The following MTX2 variants were observed in gnomAD, a reference collection of about 807,000 sequenced individuals.
MTX2 encodes metaxin 2, also known as metaxin-2.
Under a neutral mutation model 42.3 loss-of-function variants are expected in MTX2, and 35 were observed. The observed-to-expected ratio is 0.83, with a 90% confidence interval of 0.63 to 1.10. The LOEUF is 1.10. MTX2 is among the 50% of genes least tolerant of loss of function. The pLI, the probability that MTX2 is intolerant of heterozygous loss-of-function variation, is 0.00. For synonymous variants in MTX2, 119 were observed against 100.9 expected (o/e 1.18, Z -1.08); for missense variants, 307 against 304.1 (o/e 1.01, Z -0.07).
intron 4 of MTX2, among the ~76,000 whole-genome samples, chr2:176,323,769 A>G (rs536987921): frequency 2.6e-5 from 4 of 151,856 alleles, no homozygotes; most frequent in South Asian, 2.1e-4. Context: ...CTTAATGTAC[A>G]TAAGACTTTC....
chr2:176,278,483 TTTA>T (rs1310955837), intron 1 of MTX2, among the ~76,000 whole-genome samples: 6 of 152,298 alleles, frequency 3.9e-5, no homozygotes, highest in Admixed American at 3.9e-4. Context: ...CTTAATGTGG[TTTA>T]TTAACATTTT....
intron 9 of MTX2, among the ~76,000 whole-genome samples, chr2:176,332,048 C>G (rs1439269079): frequency 6.6e-6 from 1 of 151,128 alleles, no homozygotes; most frequent in Non-Finnish European, 1.5e-5. Flanking sequence ...TACATTTACA[C>G]TTGTGATGAA....
chr2:176,334,421 T>C (rs984661367), intron 9 of MTX2, among the ~76,000 whole-genome samples: 1 of 151,880 alleles, frequency 6.6e-6, no homozygotes, highest in African/African-American at 2.4e-5. Context: ...TTGGTGTTTG[T>C]ATTATTCTCA....
intron 8 of MTX2, among the ~76,000 whole-genome samples, chr2:176,329,769 T>G (rs564067242): frequency 5.7e-4 from 77 of 134,082 alleles, no homozygotes; most frequent in African/African-American, 1.8e-3. Flanking sequence ...AACCTGAGGG[T>G]TTTTTTTTTT....
In MTX2 at chr2:176,269,679, C is replaced by T. The variant is rs1406074707; in HGVS notation, c.40+10C>T. 4 of 1,592,318 alleles carry T rather than the reference C, an allele frequency of 2.5e-6. No homozygotes were observed. Among genetic ancestry groups the T allele is most frequent in the Non-Finnish European group, 2.6e-6 (3 of 1,172,606 alleles). On this transcript the variant is annotated intron_variant, in intron 1 of 9. Coordinates refer to ENST00000249442, the MANE Select transcript of MTX2 (RefSeq NM_006554.5). ...GTCTCCCAGATTGCAGGTAGCGCGGCTGGCCGCAGACCCAGAAGGTGGCGG... is the reference window on the plus strand; with the variant it reads ...GTCTCCCAGATTGCAGGTAGCGCGGTTGGCCGCAGACCCAGAAGGTGGCGG...
chr2:176,312,380 C>G (rs1684336481), intron 3 of MTX2, among the ~76,000 whole-genome samples: 1 of 152,028 alleles, frequency 6.6e-6, no homozygotes, highest in Admixed American at 6.6e-5. Flanking sequence ...ACTAACGAAC[C>G]ATATATTCTT....
At chr2:176,332,008 A>G (rs1311077793) in intron 9 of MTX2, among the ~76,000 whole-genome samples, 1 of 151,292 alleles carries the variant, frequency 6.6e-6, no homozygotes, top group Non-Finnish European at 1.5e-5. Context: ...GGAAATATCA[A>G]GATATCATTT....
At chr2:176,332,319 C>T (rs768682576) in intron 9 of MTX2, among the ~76,000 whole-genome samples, 49 of 151,340 alleles carry the variant, frequency 3.2e-4, no homozygotes, top group Non-Finnish European at 5.2e-4. Flanking sequence ...TTTTCTCATT[C>T]CTTTATCTGT....
chr2:176,322,367 A>G (rs1471316314), intron 3 of MTX2, among the ~76,000 whole-genome samples: 1 of 151,940 alleles, frequency 6.6e-6, no homozygotes, highest in African/African-American at 2.4e-5. Context: ...TTATTAATTT[A>G]TCTTATCTTA....
chr2:176,271,392 T>A lies in MTX2; in HGVS notation c.40+1723T>A, dbSNP rs181667836. Among the ~76,000 whole-genome samples, 464 of 152,292 alleles carry A rather than the reference T, an allele frequency of 3.0e-3. 5 individuals carry two copies. Among genetic ancestry groups the A allele is most frequent in the African/African-American group, 0.01 (421 of 41,564 alleles). On this transcript the variant is annotated intron_variant, in intron 1 of 9. Coordinates refer to ENST00000249442, the MANE Select transcript of MTX2 (RefSeq NM_006554.5). ...ATTCATAATCCATAAGAGAAGAAAT[T>A]GGCAGATTTGATTGCCGAAAAAATT...
intron 3 of MTX2, among the ~76,000 whole-genome samples, 177 bp from the exon 4 acceptor site, chr2:176,323,215 G>A (rs989665083): frequency 5.9e-5 from 9 of 151,778 alleles, no homozygotes; most frequent in African/African-American, 2.2e-4. Flanking sequence ...TGATTTTTAA[G>A]TAGTGACATG....
At chr2:176,331,463 G>A (rs1449914068) in intron 9 of MTX2, among the ~76,000 whole-genome samples, 3 of 150,880 alleles carry the variant, frequency 2.0e-5, no homozygotes, top group Non-Finnish European at 4.5e-5. Flanking sequence ...TTGCTATTAT[G>A]TGTTATATCG....
At chr2:176,336,543 T>C (rs1391857207) in intron 9 of MTX2, among the ~76,000 whole-genome samples, 1 of 152,164 alleles carries the variant, frequency 6.6e-6, no homozygotes, top group Non-Finnish European at 1.5e-5. Flanking sequence ...AACTTTATAA[T>C]TTATGTTTCA....
At chr2:176,327,835 G>A (rs1419293276) in intron 5 of MTX2, among the ~76,000 whole-genome samples, 2 of 150,854 alleles carry the variant, frequency 1.3e-5, no homozygotes, top group Non-Finnish European at 3.0e-5. Flanking sequence ...TTGAACTAAA[G>A]GTTATATCAT....
intron 1 of MTX2, among the ~76,000 whole-genome samples, chr2:176,272,006 T>A (rs1479719818): frequency 6.6e-6 from 1 of 152,124 alleles, no homozygotes; most frequent in Middle Eastern, 3.2e-3. Flanking sequence ...CAGGTGTTTA[T>A]CAGTGGATGA....
intron 1 of MTX2, among the ~76,000 whole-genome samples, chr2:176,274,757 A>G (rs1692906841): frequency 6.6e-6 from 1 of 152,138 alleles, no homozygotes; most frequent in Non-Finnish European, 1.5e-5. Context: ...AGGGCTTTCA[A>G]CTGATAAAAT....
chr2:176,305,907 A>G (rs1011540979), intron 3 of MTX2, among the ~76,000 whole-genome samples: 1 of 151,960 alleles, frequency 6.6e-6, no homozygotes, highest in Non-Finnish European at 1.5e-5. Flanking sequence ...TGATTTCTAC[A>G]TAGATCATTA....
intron 1 of MTX2, among the ~76,000 whole-genome samples, chr2:176,282,518 A>G (rs1208497464): frequency 6.6e-6 from 1 of 152,004 alleles, no homozygotes; most frequent in Non-Finnish European, 1.5e-5. Context: ...TTTGGATCCA[A>G]TTCAGATTTC....
Position 176,293,585 on chromosome 2 carries a change from C to T in MTX2, c.41-3275C>T, listed in dbSNP as rs190885953. ...TTGTTTAAAAGAGAGCGGCATCTCC[C>T]CCCCTTCTCTTGCTCCTGCTCTTGC... On this transcript the variant is annotated intron_variant, in intron 1 of 9. Transcript: ENST00000249442. Among the ~76,000 whole-genome samples the T allele has an allele frequency of 2.2e-3, 334 of 152,092 alleles. 3 individuals are homozygous for T. Among genetic ancestry groups the T allele is most frequent in the African/African-American group, 7.8e-3 (325 of 41,474 alleles).
Sources: gnomAD v4.1 joint callset for allele counts (sites outside exome capture counted in the v4.1 genomes callset) on GRCh38, gnomAD v4.1.1 for gene constraint, MANE v1.5 for transcripts, NCBI Gene and HGNC (gene_info 2026-07-23, HGNC 2026-07-21) for gene names.